Variants in TBCD observed in about 807,000 individuals in gnomAD.
The protein encoded by TBCD is tubulin folding cofactor D.
In TBCD, 105 loss-of-function variants were observed where a neutral mutation model predicts 169.3. That is an observed-to-expected ratio of 0.62 (90% CI 0.53 to 0.73). The LOEUF (loss-of-function observed/expected upper bound fraction) is 0.73, where lower values mean the gene tolerates loss of function less well. Ranked by LOEUF, TBCD falls within the 30% of genes least tolerant of loss-of-function variation. The pLI, the probability that TBCD is intolerant of heterozygous loss-of-function variation, is 0.00. For missense variants in TBCD, 1,444 were observed against 1,600.1 expected, an observed-to-expected ratio of 0.90 and a Z score of 1.66; for synonymous variants, 700 against 643.9, an observed-to-expected ratio of 1.09 and a Z score of -1.32.
chr17:82,777,012 C>G (rs1261885298), intron 6 of TBCD, among the ~76,000 whole-genome samples: 1 of 152,148 alleles, frequency 6.6e-6, no homozygotes, highest in Non-Finnish European at 1.5e-5. Flanking sequence ...TGAGTTTCCT[C>G]CGGTGAAGGG....
At chr17:82,764,132 C>T in intron 3 of TBCD, 70 bp downstream of exon 3, 1 of 1,197,388 alleles carries the variant, frequency 8.4e-7, no homozygotes, top group Non-Finnish European at 1.2e-6. Flanking sequence ...GGTTACCCTC[C>T]AAAATGTTAT....
chr17:82,824,258 T>C (rs1048438446), intron 13 of TBCD, among the ~76,000 whole-genome samples: 19 of 152,072 alleles, frequency 1.2e-4, no homozygotes, highest in African/African-American at 4.3e-4. Context: ...CTCGGCTCAC[T>C]GCAAGCTCCG....
chr17:82,768,459 G>A lies in TBCD; in HGVS notation c.475G>A (p.Val159Met), dbSNP rs1020017368. Residue 159 changes from valine to methionine, a missense_variant, in exon 5 of 39, where the codon GTG (valine) becomes ATG (methionine). Physicochemically the swap from Val to Met is conservative, Grantham distance 21. Coordinates refer to ENST00000355528, the MANE Select transcript of TBCD (RefSeq NM_005993.5). ...TRYMLLLWLSVTCLIPFDFSR... is the reference protein window; with the variant it reads ...TRYMLLLWLSMTCLIPFDFSR... ...CTACATGCTTTTGCTCTGGCTCTCC[G>A]TGACCTGCCTGATCCCTTTTGATTT... 4.3e-6 allele frequency: 7 copies of A among 1,613,876 alleles called. No individual in the cohort carries two copies. Among genetic ancestry groups the A allele is most frequent in the Admixed American group, 1.7e-5 (1 of 59,998 alleles).
intron 13 of TBCD, among the ~76,000 whole-genome samples, chr17:82,822,272 A>C (rs2052479303): frequency 6.6e-6 from 1 of 152,366 alleles, no homozygotes; most frequent in Middle Eastern, 3.4e-3. Flanking sequence ...AGATTCAGAC[A>C]TTAAACAAGG....
intron 14 of TBCD, among the ~76,000 whole-genome samples, chr17:82,881,928 T>TCCTC (rs1567949413): frequency 6.6e-6 from 1 of 151,328 alleles, no homozygotes; most frequent in Non-Finnish European, 1.5e-5. Context: ...CCTCCTCCCT[T>TCCTC]CCTCCCTCCC....
At chr17:82,932,813 CAG>C in intron 34 of TBCD, 78 bp downstream of exon 34, 1 of 1,417,020 alleles carries the variant, frequency 7.1e-7, no homozygotes, top group Non-Finnish European at 9.8e-7. Context: ...TCATCAGACA[CAG>C]AGATCAGAAT....
In TBCD at chr17:82,832,657, G is replaced by A. The variant is rs894284344; in HGVS notation, c.1318+17723G>A. The A allele has an allele frequency of 6.5e-6, 4 of 616,304 alleles. No individual in the cohort carries two copies. The African/African-American group carries it at 7.4e-5, about 11-fold the overall frequency. 38.2% of individuals were successfully genotyped at this position (616,304 alleles called of 1,614,324 possible). A position where few individuals can be genotyped will look rare whatever the true frequency, so the allele number is the denominator to read the frequency against. On this transcript the variant is annotated intron_variant, in intron 13 of 38. Coordinates refer to ENST00000355528, the MANE Select transcript of TBCD (RefSeq NM_005993.5). The surrounding 1 kb of genome is among the most constrained non-coding windows in gnomAD (Gnocchi z 4.9). ...GGGAGCTGTAATAAAGAGCAGTCTTGGTGTCAGGACAGCGAGTGAGGGGTC... is the reference window on the plus strand; with the variant it reads ...GGGAGCTGTAATAAAGAGCAGTCTTAGTGTCAGGACAGCGAGTGAGGGGTC...
rs2047130445 is a variant in TBCD, at chr17:82,752,129, T to C, written c.-65T>C. On this transcript the variant is annotated 5_prime_UTR_variant, in exon 1 of 39. Transcript: ENST00000355528. ...ATCCCTCATCCTTCATCCCTGGCTTTCGCGCTCTAGCGGAGTGGGATCTGC... is the reference window on the plus strand; with the variant it reads ...ATCCCTCATCCTTCATCCCTGGCTTCCGCGCTCTAGCGGAGTGGGATCTGC... 12 of 1,418,054 alleles carry C rather than the reference T, an allele frequency of 8.5e-6. No homozygotes were observed. The highest frequency in any genetic ancestry group is 1.1e-5 in the Non-Finnish European group (12 of 1,087,512). 87.8% of individuals were successfully genotyped at this position (1,418,054 alleles called of 1,614,324 possible).
intron 18 of TBCD, among the ~76,000 whole-genome samples, chr17:82,901,346 G>A (rs1212042469): frequency 1.3e-5 from 2 of 152,234 alleles, no homozygotes; most frequent in Non-Finnish European, 2.9e-5. Context: ...GGAGCGGTAG[G>A]TGCCTGTGGG....
rs531949096 is a variant in TBCD at position 82,893,443 on chromosome 17, G to A, written c.1564-104G>A. The A allele has an allele frequency of 1.1e-4, 95 of 896,630 alleles. 2 individuals carry two copies. In the South Asian group the frequency reaches 1.1e-3, roughly 10 times the overall value. The allele number at this position is 896,630 out of a possible 1,614,324, so 55.5% of individuals were successfully genotyped here. A position where few individuals can be genotyped will look rare whatever the true frequency, so the allele number is the denominator to read the frequency against. ...TTGCTCACCACCTGCCTCAGGGCTCGGGGTTCATGAGTGTAAATGTCTGTG... is the reference window on the plus strand; with the variant it reads ...TTGCTCACCACCTGCCTCAGGGCTCAGGGTTCATGAGTGTAAATGTCTGTG... On this transcript the variant is annotated intron_variant, in intron 16 of 38. Transcript: ENST00000355528.
intron 13 of TBCD, among the ~76,000 whole-genome samples, chr17:82,816,953 T>C (rs2051966192): frequency 1.3e-5 from 2 of 152,258 alleles, no homozygotes; most frequent in South Asian, 4.1e-4. Context: ...GAGCATTTTC[T>C]GTGTTTGCCC....
In TBCD at chr17:82,889,548, G is replaced by A. The variant is rs921021674; in HGVS notation, c.1534-120G>A. Reference sequence around the variant, plus strand: ...AGGCTCTGTTCAGCCAACAATGAGGGCTTTTATTTAAAAAATAAAGCCGTG... The same window carrying A: ...AGGCTCTGTTCAGCCAACAATGAGGACTTTTATTTAAAAAATAAAGCCGTG... On this transcript the variant is annotated intron_variant, in intron 15 of 38. Transcript: ENST00000355528. This position sits in a 1 kb window ranked among gnomAD's most constrained non-coding sequence, Gnocchi z 5.3. The A allele has an allele frequency of 1.2e-5, 15 of 1,202,116 alleles. No homozygotes were observed. Among genetic ancestry groups the A allele is most frequent in the Admixed American group, 2.2e-5 (1 of 45,646 alleles). 74.5% of individuals were successfully genotyped at this position (1,202,116 alleles called of 1,614,324 possible). A position where few individuals can be genotyped will look rare whatever the true frequency, so the allele number is the denominator to read the frequency against.
At chr17:82,807,165 A>G (rs1280637722) in intron 10 of TBCD, among the ~76,000 whole-genome samples, 1 of 152,166 alleles carries the variant, frequency 6.6e-6, no homozygotes, top group Non-Finnish European at 1.5e-5. Flanking sequence ...TGCATCCTCT[A>G]GGCTTCTGTG....
intron 17 of TBCD, among the ~76,000 whole-genome samples, chr17:82,895,346 C>G (rs1164378589): frequency 1.3e-5 from 2 of 152,330 alleles, no homozygotes; most frequent in East Asian, 3.9e-4. Flanking sequence ...TGCTGTCAGC[C>G]TGGACCTTGG....
intron 13 of TBCD, among the ~76,000 whole-genome samples, chr17:82,815,144 A>G (rs2051773483): frequency 6.6e-6 from 1 of 152,204 alleles, no homozygotes; most frequent in African/African-American, 2.4e-5. Context: ...AGAGCTTGAG[A>G]ACAAGGTCTG....
rs1555672609 is a variant in TBCD at position 82,758,396 on chromosome 17, A to AATAAAT, written c.235+2182_235+2183insTAAATA. The stretch of plus-strand genomic sequence containing the variant: ...CGAAAACGTCTCGGAAAAAAAAAAA[A>AATAAAT]AAAAAAATAAATAAATAAATAAATT... On this transcript the variant is annotated intron_variant, in intron 2 of 38. Coordinates refer to ENST00000355528, the MANE Select transcript of TBCD (RefSeq NM_005993.5). Among the ~76,000 whole-genome samples, 1,109 of 123,156 alleles carry AATAAAT rather than the reference A, an allele frequency of 9.0e-3. 33 individuals are homozygous for AATAAAT. The highest frequency in any genetic ancestry group is 0.029 in the African/African-American group (1,042 of 36,368). The allele number at this position is 123,156 out of a possible 152,430, so 80.8% of individuals were successfully genotyped here. A position where few individuals can be genotyped will look rare whatever the true frequency, so the allele number is the denominator to read the frequency against.
intron 24 of TBCD, chr17:82,921,235 TAA>T (rs1290124336): frequency 2.4e-5 from 13 of 537,586 alleles, no homozygotes; most frequent in Non-Finnish European, 3.6e-5. Flanking sequence ...AACAAAAGAA[TAA>T]AAGTTTCCCA....
intron 13 of TBCD, among the ~76,000 whole-genome samples, chr17:82,862,311 A>G (rs2056838696): frequency 6.6e-6 from 1 of 151,410 alleles, no homozygotes; most frequent in Non-Finnish European, 1.5e-5. Context: ...GGGCTGCATA[A>G]TGTCTCCCTG....
chr17:82,853,377 A>G (rs1674802595), intron 13 of TBCD, among the ~76,000 whole-genome samples: 1 of 147,056 alleles, frequency 6.8e-6, no homozygotes, highest in African/African-American at 2.5e-5. Context: ...GGCTTGAGCC[A>G]CTGCATCCAG....
Sources: allele counts gnomAD v4.1 joint callset (sites outside exome capture counted in the v4.1 genomes callset), GRCh38; gene constraint gnomAD v4.1.1; non-coding constraint Gnocchi (gnomAD v3.1); transcripts MANE v1.5; gene names NCBI Gene and HGNC (gene_info 2026-07-23, HGNC 2026-07-21).